LOC128706665: variants seen among roughly 807,000 people sequenced by gnomAD.
At chr20:10,422,713 CTT>C in the LOC128706665 span, among the ~76,000 whole-genome samples, 15 of 143,374 alleles carry the variant, frequency 1.0e-4, no homozygotes, top group Admixed American at 2.1e-4. Context: ...GTTATATTAT[CTT>C]TTTTTTTTTT....
the LOC128706665 span, chr20:10,413,824 C>T: frequency 2.0e-6 from 1 of 505,744 alleles, no homozygotes. Flanking sequence ...CCAAGATGGA[C>T]ACCTATGAAA....
chr20:10,415,004 A>G, the LOC128706665 span, among the ~76,000 whole-genome samples: 2 of 152,218 alleles, frequency 1.3e-5, no homozygotes, highest in Non-Finnish European at 2.9e-5. Context: ...CTGAGTTGCA[A>G]TTCAATTTCA....
At chr20:10,414,196 T>C in the LOC128706665 span, among the ~76,000 whole-genome samples, 5 of 152,050 alleles carry the variant, frequency 3.3e-5, no homozygotes, top group African/African-American at 1.2e-4. Flanking sequence ...TACAGCACAG[T>C]TATTTGAATA....
chr20:10,422,283 A>G, the LOC128706665 span, among the ~76,000 whole-genome samples: 4 of 152,146 alleles, frequency 2.6e-5, no homozygotes. Flanking sequence ...AAAGTATTTT[A>G]TGGCCTTTTC....
At chr20:10,433,032 G>C in the LOC128706665 span, among the ~76,000 whole-genome samples, 12 of 152,164 alleles carry the variant, frequency 7.9e-5, no homozygotes, top group Admixed American at 7.9e-4. Flanking sequence ...TTCTTAAATA[G>C]AGTCTCTGTC....
chr20:10,432,316 C>A, the LOC128706665 span, among the ~76,000 whole-genome samples: 1 of 152,188 alleles, frequency 6.6e-6, no homozygotes, highest in Non-Finnish European at 1.5e-5. Flanking sequence ...TCCAAAAAGT[C>A]TTCTCTAGTA....
the LOC128706665 span, among the ~76,000 whole-genome samples, chr20:10,429,259 T>C: frequency 6.6e-6 from 1 of 152,210 alleles, no homozygotes; most frequent in African/African-American, 2.4e-5. Context: ...CCTTTTGATG[T>C]GTTCTTGAGA....
chr20:10,423,040 T>C, the LOC128706665 span, among the ~76,000 whole-genome samples: 3 of 152,226 alleles, frequency 2.0e-5, no homozygotes, highest in African/African-American at 7.2e-5. Flanking sequence ...TAAGAGCCAT[T>C]TCTGCCATTC....
chr20:10,429,671 CA>C, the LOC128706665 span, among the ~76,000 whole-genome samples: 2 of 152,174 alleles, frequency 1.3e-5, no homozygotes, highest in Non-Finnish European at 2.9e-5. Context: ...TCATGCTCCT[CA>C]TCAACTCACT....
chr20:10,426,760 G>A, the LOC128706665 span, among the ~76,000 whole-genome samples: 1 of 152,098 alleles, frequency 6.6e-6, no homozygotes, highest in South Asian at 2.1e-4. Context: ...CATTTCACTT[G>A]TCCAAAATTA....
the LOC128706665 span, among the ~76,000 whole-genome samples, chr20:10,418,034 C>A: frequency 2.0e-5 from 3 of 152,098 alleles, no homozygotes; most frequent in Non-Finnish European, 4.4e-5. Context: ...TTTTTATAGA[C>A]AAATTCAGAA....
the LOC128706665 span, among the ~76,000 whole-genome samples, chr20:10,430,269 T>C: frequency 6.6e-6 from 1 of 152,212 alleles, no homozygotes; most frequent in Non-Finnish European, 1.5e-5. Flanking sequence ...TCATACCACC[T>C]GGCTTTGAAT....
chr20:10,422,724 T>TTG, the LOC128706665 span, among the ~76,000 whole-genome samples: 1 of 151,948 alleles, frequency 6.6e-6, no homozygotes, highest in East Asian at 1.9e-4. Flanking sequence ...TTTTTTTTTT[T>TTG]TTTGTGAGAC....
the LOC128706665 span, among the ~76,000 whole-genome samples, chr20:10,416,225 A>C: frequency 1.3e-5 from 2 of 152,214 alleles, no homozygotes; most frequent in Non-Finnish European, 2.9e-5. Flanking sequence ...CTTCTAAATT[A>C]AGAGGTGCAC....
chr20:10,428,325 C>G, the LOC128706665 span, among the ~76,000 whole-genome samples: 3 of 152,274 alleles, frequency 2.0e-5, no homozygotes, highest in Middle Eastern at 3.4e-3. Context: ...GATCAGATAC[C>G]TAGATGAATG....
the LOC128706665 span, among the ~76,000 whole-genome samples, chr20:10,430,268 C>CT: frequency 6.6e-6 from 1 of 152,178 alleles, no homozygotes; most frequent in Non-Finnish European, 1.5e-5. Context: ...CTCATACCAC[C>CT]TGGCTTTGAA....
the LOC128706665 span, among the ~76,000 whole-genome samples, chr20:10,433,341 A>G: frequency 6.6e-6 from 1 of 152,166 alleles, no homozygotes; most frequent in African/African-American, 2.4e-5. Context: ...GGTTGAATTC[A>G]CACATGCGGA....
the LOC128706665 span, chr20:10,413,744 A>C: frequency 3.3e-6 from 2 of 603,650 alleles, no homozygotes; most frequent in African/African-American, 1.9e-5. Context: ...TTCACTCTTC[A>C]ATACTCTTTT....
chr20:10,417,683 AT>A, the LOC128706665 span, among the ~76,000 whole-genome samples: 4 of 148,068 alleles, frequency 2.7e-5, no homozygotes, highest in African/African-American at 7.5e-5. Flanking sequence ...AAAAAAAAAA[AT>A]CAACATCATC....
Sources: allele counts gnomAD v4.1 joint callset (sites outside exome capture counted in the v4.1 genomes callset), GRCh38; gene constraint gnomAD v4.1.1; transcripts MANE v1.5.